FBXW8: variants seen among roughly 807,000 people sequenced by gnomAD.
The protein encoded by FBXW8 is F-box/WD repeat-containing protein 8.
Under a neutral mutation model 65.3 loss-of-function variants are expected in FBXW8, and 57 were observed. The ratio of observed to expected loss-of-function variants is 0.87; its 90% CI spans 0.71 to 1.09. FBXW8 has a LOEUF of 1.09. Among genes scored for constraint, FBXW8 ranks in the 50% least tolerant of loss-of-function variants. FBXW8 has a pLI of 0.00. For synonymous variants in FBXW8, 308 were observed against 330.2 expected (o/e 0.93, Z 0.73); for missense variants, 777 against 814.8 (o/e 0.95, Z 0.57).
At position 116,985,237 on chromosome 12, in the gene FBXW8, A is replaced by C; in HGVS notation, c.867A>C (p.Gly289=). 1 of 1,612,018 alleles carries C rather than the reference A, an allele frequency of 6.2e-7. No homozygotes were observed. The highest frequency in any genetic ancestry group is 1.1e-5 in the South Asian group (1 of 90,246). ...GFLNIWDLRT[G]KYPVHRFEHD... is the part of the protein sequence containing the mutation. ...TTAATATTTGGGATTTAAGGACCGG[A>C]AAGTACCCTGTTCATCGTTTTGAGC... The change falls in exon 6 of 11, where the codon GGA becomes GGC. Residue 289 remains glycine (G), a synonymous_variant. Transcript: ENST00000652555.
chr12:116,978,892 T>G (rs1800565383), intron 5 of FBXW8: 1 of 152,236 alleles, frequency 6.6e-6, no homozygotes, highest in African/African-American at 2.4e-5. Flanking sequence ...AAAGTAATTT[T>G]GGAAAGTTCT....
At chr12:117,015,726 T>C (rs187464595) in intron 8 of FBXW8, among the ~76,000 whole-genome samples, 211 of 152,180 alleles carry the variant, frequency 1.4e-3, no homozygotes, top group African/African-American at 4.9e-3. Context: ...CCAATTTAAA[T>C]TGTACAATTC....
intron 1 of FBXW8, among the ~76,000 whole-genome samples, chr12:116,917,703 G>A (rs1204786061): frequency 6.6e-6 from 1 of 152,110 alleles, no homozygotes; most frequent in Non-Finnish European, 1.5e-5. Context: ...ACATGAAAAC[G>A]CAGGACTCAC....
intron 8 of FBXW8, among the ~76,000 whole-genome samples, chr12:117,012,594 T>C (rs545261447): frequency 1.3e-3 from 193 of 152,312 alleles, no homozygotes; most frequent in Middle Eastern, 6.8e-3. Context: ...TTACATTTTT[T>C]CCCCGGAGGT....
intron 5 of FBXW8, among the ~76,000 whole-genome samples, chr12:116,967,138 G>A (rs552837772): frequency 6.6e-6 from 1 of 151,252 alleles, no homozygotes; most frequent in Admixed American, 6.6e-5. Flanking sequence ...GGGGGGTCCT[G>A]CTCTGTATAC....
At chr12:117,011,202 C>A (rs1353167907) in intron 8 of FBXW8, among the ~76,000 whole-genome samples, 1 of 140,104 alleles carries the variant, frequency 7.1e-6, no homozygotes, top group African/African-American at 2.9e-5. Flanking sequence ...GGCTGAGGGC[C>A]AGGGGCTGCT....
In FBXW8 at chr12:116,990,997, C is replaced by CA. The variant is rs1953225477; in HGVS notation, c.1239+2135dup. ...AGACCCTGTCTCTACCACACACACA[C>CA]AAAAAAAGTATAGTCCTGTAAGCTG... On this transcript the variant is annotated intron_variant, in intron 7 of 10. Coordinates refer to ENST00000652555, the MANE Select transcript of FBXW8 (RefSeq NM_153348.3). Among the ~76,000 whole-genome samples, 3 of 152,124 alleles carry CA rather than the reference C, an allele frequency of 2.0e-5. No homozygotes were observed. In the South Asian group the frequency reaches 6.2e-4, roughly 32 times the overall value.
At chr12:116,942,910 T>A (rs914958543) in intron 2 of FBXW8, among the ~76,000 whole-genome samples, 1 of 151,248 alleles carries the variant, frequency 6.6e-6, no homozygotes, top group Non-Finnish European at 1.5e-5. Context: ...CCTGAGTAGC[T>A]GGGACTACAG....
At chr12:116,962,282 C>T (rs948086340) in intron 4 of FBXW8, among the ~76,000 whole-genome samples, 1 of 152,208 alleles carries the variant, frequency 6.6e-6, no homozygotes, top group African/African-American at 2.4e-5. Context: ...TCTTCTCTTT[C>T]TCTGAGTAAG....
chr12:116,932,817 C>A (rs1039871508), intron 2 of FBXW8, among the ~76,000 whole-genome samples: 19 of 152,230 alleles, frequency 1.2e-4, no homozygotes, highest in African/African-American at 4.6e-4. Context: ...CAGGCGTGAG[C>A]CACTGTGCCC....
At chr12:117,011,973 A>G (rs531402754) in intron 8 of FBXW8, among the ~76,000 whole-genome samples, 86 of 152,330 alleles carry the variant, frequency 5.6e-4, no homozygotes, top group African/African-American at 2.0e-3. Context: ...ATTCGCTCTT[A>G]TAAGTAATCT....
At chr12:116,969,350 AAAC>A (rs1319582427) in intron 5 of FBXW8, among the ~76,000 whole-genome samples, 2 of 152,174 alleles carry the variant, frequency 1.3e-5, no homozygotes, top group African/African-American at 4.8e-5. Flanking sequence ...TTTCTGTGAT[AAAC>A]AACAACTTCT....
chr12:116,956,321 T>TA (rs142532366), intron 4 of FBXW8, among the ~76,000 whole-genome samples: 1 of 152,284 alleles, frequency 6.6e-6, no homozygotes, highest in Non-Finnish European at 1.5e-5. Context: ...CTTCTTACCC[T>TA]AAAAACACTC....
intron 8 of FBXW8, among the ~76,000 whole-genome samples, chr12:117,012,050 G>A (rs1953833414): frequency 6.6e-6 from 1 of 152,152 alleles, no homozygotes; most frequent in Non-Finnish European, 1.5e-5. Flanking sequence ...TATATGTAAA[G>A]GGAGACTTGA....
At chr12:117,020,767 GTCGCAGC>G (rs1954074953) in intron 8 of FBXW8, among the ~76,000 whole-genome samples, 1 of 152,198 alleles carries the variant, frequency 6.6e-6, no homozygotes, top group Admixed American at 6.5e-5. Context: ...CTCCCCTGAA[GTCGCAGC>G]TCACCCTCTC....
At position 116,910,950 on chromosome 12, in the gene FBXW8, C is replaced by A; in HGVS notation, c.-88C>A. 2 of 1,244,580 alleles carry A rather than the reference C, an allele frequency of 1.6e-6. 1 individual carries two copies. Among genetic ancestry groups the A allele is most frequent in the South Asian group, 5.2e-5 (2 of 38,532 alleles). The allele number at this position is 1,244,580 out of a possible 1,614,324, so 77.1% of individuals were successfully genotyped here. ...CCTAGAGCGGCGGCGGCAGCGGCTT[C>A]CGGCCGCGGCGGACACTTCCCTGGG... On this transcript the variant is annotated 5_prime_UTR_variant, in exon 1 of 11. Coordinates refer to ENST00000652555, the MANE Select transcript of FBXW8 (RefSeq NM_153348.3).
In FBXW8 at chr12:116,910,976, C is replaced by A. The variant is rs995846807; in HGVS notation, c.-62C>A. On this transcript the variant is annotated 5_prime_UTR_variant, in exon 1 of 11. Transcript: ENST00000652555. ...CGGCCGCGGCGGACACTTCCCTGGG[C>A]GGGACTGTCTCGTGGCACCCGGTGG... The A allele has an allele frequency of 3.8e-6, 5 of 1,300,876 alleles. No homozygotes were observed. Among genetic ancestry groups the A allele is most frequent in the Non-Finnish European group, 3.9e-6 (4 of 1,023,808 alleles). 80.6% of individuals were successfully genotyped at this position (1,300,876 alleles called of 1,614,324 possible).
At chr12:116,993,048 A>G (rs970693659) in intron 7 of FBXW8, among the ~76,000 whole-genome samples, 2 of 149,926 alleles carry the variant, frequency 1.3e-5, no homozygotes, top group African/African-American at 4.9e-5. Flanking sequence ...CCAGCAATGT[A>G]TAAGCATTCC....
chr12:117,027,533 AC>A, intron 10 of FBXW8, 29 bp downstream of exon 10: 2 of 1,570,342 alleles, frequency 1.3e-6, no homozygotes, highest in Non-Finnish European at 1.8e-6. Context: ...CGAGTAAGAG[AC>A]CATCTTAGTT....
Sources: allele counts gnomAD v4.1 joint callset (sites outside exome capture counted in the v4.1 genomes callset), GRCh38; gene constraint gnomAD v4.1.1; transcripts MANE v1.5; gene names NCBI Gene and HGNC (gene_info 2026-07-23, HGNC 2026-07-21).